MIPOL1: variants seen among roughly 807,000 people sequenced by gnomAD.
MIPOL1 encodes mirror-image polydactyly gene 1 protein.
MIPOL1 carries 57 observed loss-of-function variants against 60.9 expected under a neutral mutation model. The ratio of observed to expected loss-of-function variants is 0.94; its 90% CI spans 0.76 to 1.17. MIPOL1 has a LOEUF of 1.17. Ranked by LOEUF, MIPOL1 falls within the 50% of genes most tolerant of loss-of-function variation. The pLI is 0.00. For synonymous variants in MIPOL1, 179 were observed against 168.8 expected, an observed-to-expected ratio of 1.06 and a Z score of -0.47; for missense variants, 551 against 511.6, an observed-to-expected ratio of 1.08 and a Z score of -0.74.
At chr14:37,417,290 C>T (rs1301267354) in intron 10 of MIPOL1, among the ~76,000 whole-genome samples, 1 of 152,180 alleles carries the variant, frequency 6.6e-6, no homozygotes, top group Non-Finnish European at 1.5e-5. Context: ...TCTGCTTCCA[C>T]CACAAACTCT....
intron 7 of MIPOL1, among the ~76,000 whole-genome samples, chr14:37,288,179 T>A (rs2084744795): frequency 1.3e-5 from 2 of 151,918 alleles, no homozygotes; most frequent in South Asian, 4.2e-4. Context: ...GTTGTTGTTT[T>A]GTTTTTTAAT....
intron 11 of MIPOL1, among the ~76,000 whole-genome samples, chr14:37,482,277 A>C (rs1254435685): frequency 6.6e-6 from 1 of 152,172 alleles, no homozygotes; most frequent in Non-Finnish European, 1.5e-5. Context: ...TTGAATAGAC[A>C]CTTCTCAAAA....
At chr14:37,389,826 T>C (rs1438707565) in intron 10 of MIPOL1, among the ~76,000 whole-genome samples, 1 of 151,748 alleles carries the variant, frequency 6.6e-6, no homozygotes, top group African/African-American at 2.4e-5. Context: ...TAGTGCCTTA[T>C]GGATATCTGT....
rs2095554959 is a variant in MIPOL1, at chr14:37,548,950, T to C, written c.*1979T>C. 1.3e-5 allele frequency: 2 copies of C among 151,992 alleles called. No individual in the cohort carries two copies. The highest frequency in any genetic ancestry group is 4.8e-5 in the African/African-American group (2 of 41,448). The allele number at this position is 151,992 out of a possible 1,614,324, so 9.4% of individuals were successfully genotyped here. A position where few individuals can be genotyped will look rare whatever the true frequency, so the allele number is the denominator to read the frequency against. On this transcript the variant is annotated 3_prime_UTR_variant, in exon 13 of 13. Coordinates refer to ENST00000684589, the MANE Select transcript of MIPOL1 (RefSeq NM_001388067.1). ...AATTCTAACATCCACTATTGTTCAG[T>C]ATAGGTAATCTCCCAAAAATATCAC...
intron 11 of MIPOL1, among the ~76,000 whole-genome samples, chr14:37,491,276 C>T (rs1317127391): frequency 4.6e-5 from 7 of 152,184 alleles, no homozygotes; most frequent in African/African-American, 1.7e-4. Context: ...GGCCTGTAAT[C>T]CCAGCACTTT....
At chr14:37,445,629 A>C (rs1566618004) in intron 11 of MIPOL1, among the ~76,000 whole-genome samples, 1 of 151,862 alleles carries the variant, frequency 6.6e-6, no homozygotes, top group African/African-American at 2.4e-5. Flanking sequence ...ATCCTAAGCC[A>C]AAAGAACAAA....
At chr14:37,279,665 AATTG>A (rs1462412843) in intron 6 of MIPOL1, among the ~76,000 whole-genome samples, 3 of 151,888 alleles carry the variant, frequency 2.0e-5, no homozygotes, top group Non-Finnish European at 4.4e-5. Flanking sequence ...TTATTCCCTT[AATTG>A]ATGTATGATT....
chr14:37,311,555 T>G (rs978398870), intron 9 of MIPOL1, among the ~76,000 whole-genome samples: 1 of 152,220 alleles, frequency 6.6e-6, no homozygotes, highest in Non-Finnish European at 1.5e-5. Flanking sequence ...CTCATTTTAA[T>G]TTTTATGTTA....
intron 7 of MIPOL1, among the ~76,000 whole-genome samples, chr14:37,289,455 T>C (rs922249738): frequency 6.6e-6 from 1 of 152,324 alleles, no homozygotes; most frequent in East Asian, 1.9e-4. Context: ...CAGCTTCAAG[T>C]TAGTGTTCAT....
intron 6 of MIPOL1, among the ~76,000 whole-genome samples, chr14:37,274,391 A>T (rs1291031989): frequency 6.6e-6 from 1 of 151,348 alleles, no homozygotes; most frequent in African/African-American, 2.4e-5. Context: ...CCTTTCTCAC[A>T]TCACCATCAT....
intron 9 of MIPOL1, among the ~76,000 whole-genome samples, chr14:37,336,105 GTTTTTT>G (rs139169812): frequency 2.7e-5 from 3 of 111,772 alleles, no homozygotes; most frequent in Non-Finnish European, 3.8e-5. Context: ...CAAATTCATG[GTTTTTT>G]TTTTTTTTTT....
chr14:37,248,978 A>C (rs1567145739), intron 3 of MIPOL1, among the ~76,000 whole-genome samples: 4 of 126,530 alleles, frequency 3.2e-5, no homozygotes, highest in Admixed American at 2.5e-4. Context: ...AAATGGAAGG[A>C]TGGATGGATG....
At chr14:37,237,979 C>T in intron 1 of MIPOL1, among the ~76,000 whole-genome samples, 1 of 151,808 alleles carries the variant, frequency 6.6e-6, no homozygotes, top group South Asian at 2.1e-4. Flanking sequence ...TTTTTTTCTT[C>T]TCTTAGACAC....
intron 12 of MIPOL1, among the ~76,000 whole-genome samples, chr14:37,537,586 A>G (rs2095511931): frequency 1.3e-5 from 2 of 152,306 alleles, no homozygotes; most frequent in East Asian, 1.9e-4. Context: ...AACAAGATCA[A>G]TTTTTAAGTT....
rs776255511 is a variant in MIPOL1 at position 37,285,465 on chromosome 14, A to G, written c.623+18A>G. 6.2e-7 allele frequency: 1 copy of G among 1,609,836 alleles called. No homozygotes were observed. The highest frequency in any genetic ancestry group is 8.5e-7 in the Non-Finnish European group (1 of 1,177,830). ...CTAAAAGTGTATGTACACATTTAAA[A>G]CTCAGTATGATATTAGGAACACTTA... On this transcript the variant is annotated intron_variant, in intron 7 of 12. Coordinates refer to ENST00000684589, the MANE Select transcript of MIPOL1 (RefSeq NM_001388067.1).
chr14:37,265,828 A>G (rs1170177763), intron 3 of MIPOL1, among the ~76,000 whole-genome samples: 1 of 152,128 alleles, frequency 6.6e-6, no homozygotes, highest in African/African-American at 2.4e-5. Flanking sequence ...ATAAATTTTC[A>G]GTAGAAGAGT....
intron 9 of MIPOL1, among the ~76,000 whole-genome samples, chr14:37,347,111 G>A (rs1174327791): frequency 6.6e-6 from 1 of 152,122 alleles, no homozygotes; most frequent in Non-Finnish European, 1.5e-5. Context: ...AAAAAGGAAT[G>A]TCTACTAAAG....
At chr14:37,225,291 G>A (rs1488523802) in intron 1 of MIPOL1, among the ~76,000 whole-genome samples, 3 of 152,238 alleles carry the variant, frequency 2.0e-5, no homozygotes, top group Admixed American at 6.5e-5. Flanking sequence ...TTTGTGTGGG[G>A]GCTCTGACCC....
chr14:37,257,359 T>G (rs1182802821), intron 3 of MIPOL1, among the ~76,000 whole-genome samples: 1 of 152,036 alleles, frequency 6.6e-6, no homozygotes, highest in African/African-American at 2.4e-5. Context: ...CTTAAACACT[T>G]TGAGGTCCTT....
Sources: gnomAD v4.1 joint callset for allele counts (sites outside exome capture counted in the v4.1 genomes callset) on GRCh38, gnomAD v4.1.1 for gene constraint, MANE v1.5 for transcripts, NCBI Gene and HGNC (gene_info 2026-07-23, HGNC 2026-07-21) for gene names.